The following RCAN2 variants were observed in gnomAD, a reference collection of about 807,000 sequenced individuals.
RCAN2 encodes the protein regulator of calcineurin 2, also known as calcipressin-2.
Under a neutral mutation model 23.6 loss-of-function variants are expected in RCAN2, and 9 were observed. That is an observed-to-expected ratio of 0.38 (90% CI 0.23 to 0.67). The LOEUF (loss-of-function observed/expected upper bound fraction) is 0.67. RCAN2 is among the 30% of genes least tolerant of loss of function. The pLI is 0.51. For missense variants in RCAN2, 273 were observed against 302.3 expected, an observed-to-expected ratio of 0.90 and a Z score of 0.72; for synonymous variants, 109 against 115.7, an observed-to-expected ratio of 0.94 and a Z score of 0.37.
intron 2 of RCAN2, among the ~76,000 whole-genome samples, chr6:46,297,639 C>T (rs1446036591): frequency 6.6e-6 from 1 of 152,004 alleles, no homozygotes; most frequent in Admixed American, 6.6e-5. Flanking sequence ...TTGAATTTGC[C>T]TATATATTCT....
intron 2 of RCAN2, among the ~76,000 whole-genome samples, chr6:46,292,103 T>C (rs140458832): frequency 0.016 from 2,489 of 152,282 alleles, 27 homozygotes; most frequent in Non-Finnish European, 0.025. Flanking sequence ...TAAATTGTAA[T>C]TAGTCAGTGG....
At chr6:46,274,574 G>C (rs967180363) in intron 2 of RCAN2, among the ~76,000 whole-genome samples, 6 of 152,156 alleles carry the variant, frequency 3.9e-5, no homozygotes, top group African/African-American at 1.2e-4. Flanking sequence ...TCAAAGGGTG[G>C]TAAAATTCTG....
intron 2 of RCAN2, among the ~76,000 whole-genome samples, chr6:46,388,554 T>G (rs181352815): frequency 1.3e-5 from 2 of 152,272 alleles, no homozygotes; most frequent in East Asian, 3.9e-4. Context: ...AACCTTAATG[T>G]CCATCAATGA....
At chr6:46,415,120 T>C (rs1308166520) in intron 2 of RCAN2, among the ~76,000 whole-genome samples, 1 of 152,138 alleles carries the variant, frequency 6.6e-6, no homozygotes, top group East Asian at 1.9e-4. Flanking sequence ...AGAAGAATGA[T>C]ATAACCATGG....
chr6:46,287,927 A>G lies in RCAN2; in HGVS notation c.226-39031T>C, dbSNP rs138437861. Among the ~76,000 whole-genome samples the G allele has an allele frequency of 5.4e-3, 827 of 152,342 alleles. 5 individuals carry two copies. The highest frequency in any genetic ancestry group is 0.018 in the African/African-American group (762 of 41,578). On this transcript the variant is annotated intron_variant, in intron 2 of 4. Coordinates refer to ENST00000371374, the MANE Select transcript of RCAN2 (RefSeq NM_001251974.2). ...ACTAATTTGAAAAGTTACTCATATG[A>G]AAGTGCTGTAAACGACAAAGAATAA...
intron 2 of RCAN2, among the ~76,000 whole-genome samples, chr6:46,254,247 A>G (rs543164891): frequency 1.3e-5 from 2 of 152,330 alleles, no homozygotes; most frequent in East Asian, 3.9e-4. Context: ...TCTATAAACC[A>G]CACACTGAAC....
At chr6:46,342,424 T>G (rs780103105) in intron 2 of RCAN2, among the ~76,000 whole-genome samples, 25 of 151,286 alleles carry the variant, frequency 1.7e-4, no homozygotes, top group Non-Finnish European at 3.2e-4. Flanking sequence ...TGGTGGCTCA[T>G]GCCTGTAGTC....
intron 2 of RCAN2, among the ~76,000 whole-genome samples, chr6:46,420,180 A>G (rs1582187317): frequency 6.6e-6 from 1 of 152,202 alleles, no homozygotes; most frequent in African/African-American, 2.4e-5. Context: ...ATTAAAAAAA[A>G]AAACAAAACC....
intron 2 of RCAN2, among the ~76,000 whole-genome samples, chr6:46,257,405 G>T (rs1037064346): frequency 6.6e-6 from 1 of 152,090 alleles, no homozygotes; most frequent in Admixed American, 6.5e-5. Flanking sequence ...CTGCTATAAA[G>T]AAATACCTGA....
chr6:46,298,621 T>G (rs1014585862), intron 2 of RCAN2, among the ~76,000 whole-genome samples: 1 of 152,076 alleles, frequency 6.6e-6, no homozygotes, highest in African/African-American at 2.4e-5. Context: ...GAATCTCTAT[T>G]TAAAAAATTA....
At chr6:46,449,700 G>T (rs1050249256) in intron 2 of RCAN2, among the ~76,000 whole-genome samples, 1 of 151,640 alleles carries the variant, frequency 6.6e-6, no homozygotes, top group African/African-American at 2.4e-5. Flanking sequence ...TTCCACAAAG[G>T]TGCCAAGAAC....
chr6:46,441,365 G>C (rs183091181), intron 2 of RCAN2, among the ~76,000 whole-genome samples: 1 of 152,180 alleles, frequency 6.6e-6, no homozygotes, highest in Non-Finnish European at 1.5e-5. Flanking sequence ...ATCATGTCTA[G>C]AGAGCTGTAT....
rs1765537684 is a variant in RCAN2, at chr6:46,223,243, C to T, written c.630G>A (p.Val210=). ...TESTPSVVVH[V]CDSDIEEEED... is the part of the protein sequence containing the mutation. ...CTTCTTCCTCTATGTCACTGTCGCACACGTGCACGACGACACTTGGGGTGG... is the reference window on the plus strand; with the variant it reads ...CTTCTTCCTCTATGTCACTGTCGCATACGTGCACGACGACACTTGGGGTGG... The change falls in exon 5 of 5, where the codon GTG becomes GTA. Residue 210 remains valine (V), a synonymous_variant. Transcript: ENST00000371374. 1 of 1,613,810 alleles carries T rather than the reference C, an allele frequency of 6.2e-7. No individual in the cohort carries two copies. The highest frequency in any genetic ancestry group is 1.3e-5 in the African/African-American group (1 of 74,862).
rs576218368 is a variant in RCAN2, at chr6:46,239,217, A to G, written c.571+7531T>C. Among the ~76,000 whole-genome samples the G allele has an allele frequency of 6.6e-5, 10 of 152,350 alleles. No individual in the cohort carries two copies. The East Asian group carries it at 1.5e-3, about 24-fold the overall frequency. On this transcript the variant is annotated intron_variant, in intron 4 of 4. Transcript: ENST00000371374. ...TGCAGAGAGACTTATTGGAAACATA[A>G]AAATCATAGCTATTTGGTAGCTGCC...
chr6:46,286,878 G>A (rs190065956), intron 2 of RCAN2, among the ~76,000 whole-genome samples: 18 of 152,192 alleles, frequency 1.2e-4, no homozygotes, highest in Admixed American at 3.3e-4. Context: ...GGTGGCACAC[G>A]CCCGTAATCC....
chr6:46,230,612 T>C (rs1364316055), intron 4 of RCAN2, among the ~76,000 whole-genome samples: 1 of 152,210 alleles, frequency 6.6e-6, no homozygotes, highest in Non-Finnish European at 1.5e-5. Context: ...TGCCGTTTGC[T>C]AAGACCATTG....
chr6:46,299,458 G>C lies in RCAN2; in HGVS notation c.226-50562C>G, dbSNP rs924935260. Among the ~76,000 whole-genome samples, 6 of 152,002 alleles carry C rather than the reference G, an allele frequency of 3.9e-5. No individual in the cohort carries two copies. The East Asian group carries it at 5.8e-4, about 15-fold the overall frequency. On this transcript the variant is annotated intron_variant, in intron 2 of 4. Coordinates refer to ENST00000371374, the MANE Select transcript of RCAN2 (RefSeq NM_001251974.2). Reference sequence around the variant, plus strand: ...AGTAACAACTATAACAGTCATAATGGTTATCTACTCTGTATCTACATGGGA... The same window carrying C: ...AGTAACAACTATAACAGTCATAATGCTTATCTACTCTGTATCTACATGGGA...
chr6:46,401,239 C>T (rs1012879888), intron 2 of RCAN2, among the ~76,000 whole-genome samples: 1 of 152,164 alleles, frequency 6.6e-6, no homozygotes, highest in Non-Finnish European at 1.5e-5. Flanking sequence ...ACCTCATGGA[C>T]CCAGAATCAT....
intron 2 of RCAN2, among the ~76,000 whole-genome samples, chr6:46,425,357 T>C (rs1767003148): frequency 6.6e-6 from 1 of 152,174 alleles, no homozygotes; most frequent in African/African-American, 2.4e-5. Context: ...AAAACTCCAC[T>C]GTGCACCTAT....
Sources: gnomAD v4.1 joint callset for allele counts (sites outside exome capture counted in the v4.1 genomes callset) on GRCh38, gnomAD v4.1.1 for gene constraint, MANE v1.5 for transcripts, NCBI Gene and HGNC (gene_info 2026-07-23, HGNC 2026-07-21) for gene names.